The following MTPN variants were observed in gnomAD, a reference collection of about 807,000 sequenced individuals.
The protein encoded by MTPN is granule cell differentiation protein.
In MTPN, 2 loss-of-function variants were observed where a neutral mutation model predicts 13.5. The ratio of observed to expected loss-of-function variants is 0.15; its 90% confidence interval spans 0.06 to 0.47. The LOEUF is 0.47. MTPN is among the 20% of genes least tolerant of loss of function. The pLI is 0.97. For synonymous variants in MTPN, 46 were observed against 51.7 expected, an observed-to-expected ratio of 0.89 and a Z score of 0.48; for missense variants, 79 against 137.9, an observed-to-expected ratio of 0.57 and a Z score of 2.14.
chr7:135,939,494 C>G (rs912765328), intron 3 of MTPN, among the ~76,000 whole-genome samples: 2 of 149,764 alleles, frequency 1.3e-5, no homozygotes, highest in Non-Finnish European at 2.9e-5. Context: ...AGCTCTTTCC[C>G]CCCTCTTCCT....
chr7:135,933,049 C>A (rs778918508), intron 3 of MTPN, among the ~76,000 whole-genome samples: 6 of 134,534 alleles, frequency 4.5e-5, no homozygotes, highest in African/African-American at 1.7e-4. Flanking sequence ...GAGATGAGAT[C>A]GTGATGCTGC....
chr7:135,939,913 C>A (rs1290858179), intron 3 of MTPN, among the ~76,000 whole-genome samples: 6 of 152,148 alleles, frequency 3.9e-5, no homozygotes, highest in Non-Finnish European at 5.9e-5. Context: ...AAATTCACAT[C>A]TGGGTCATAG....
intron 1 of MTPN, among the ~76,000 whole-genome samples, chr7:135,963,897 G>T (rs913467999): frequency 1.1e-4 from 16 of 151,782 alleles, no homozygotes; most frequent in Non-Finnish European, 2.2e-4. Context: ...TCTTTGGAAG[G>T]TTTAGAAGCA....
At chr7:135,943,079 C>T (rs1160760488) in intron 3 of MTPN, among the ~76,000 whole-genome samples, 1 of 152,156 alleles carries the variant, frequency 6.6e-6, no homozygotes, top group Admixed American at 6.5e-5. Context: ...TTCAGTAAGG[C>T]ACTGCTGAGC....
At chr7:135,954,211 C>A (rs1799406252) in intron 1 of MTPN, among the ~76,000 whole-genome samples, 1 of 152,140 alleles carries the variant, frequency 6.6e-6, no homozygotes, top group Admixed American at 6.5e-5. Flanking sequence ...CATTGTTTAA[C>A]AAATGTTTAA....
At chr7:135,975,168 T>C (rs140516283) in intron 1 of MTPN, among the ~76,000 whole-genome samples, 1 of 152,246 alleles carries the variant, frequency 6.6e-6, no homozygotes, top group African/African-American at 2.4e-5. Flanking sequence ...CCTAACCTAA[T>C]TATAAAACTA....
intron 3 of MTPN, among the ~76,000 whole-genome samples, chr7:135,945,021 A>C (rs2116364822): frequency 6.6e-6 from 1 of 152,372 alleles, no homozygotes; most frequent in South Asian, 2.1e-4. Flanking sequence ...ACCTATATCC[A>C]GTATGTTACT....
At chr7:135,934,756 CAA>C (rs1047555277) in intron 3 of MTPN, among the ~76,000 whole-genome samples, 2 of 152,192 alleles carry the variant, frequency 1.3e-5, no homozygotes, top group Admixed American at 1.3e-4. Flanking sequence ...TCCTAACTCT[CAA>C]GACAGTATTA....
At chr7:135,946,341 T>G (rs1408370081) in intron 3 of MTPN, among the ~76,000 whole-genome samples, 1 of 151,398 alleles carries the variant, frequency 6.6e-6, no homozygotes, top group African/African-American at 2.5e-5. Flanking sequence ...GCTAGCATAG[T>G]CTAATAAAAG....
At chr7:135,931,143 C>A (rs1245689618) in intron 3 of MTPN, among the ~76,000 whole-genome samples, 1 of 152,056 alleles carries the variant, frequency 6.6e-6, no homozygotes, top group Non-Finnish European at 1.5e-5. Flanking sequence ...GCAAATCCAC[C>A]CATTCACTCA....
chr7:135,967,705 G>C (rs1465130041), intron 1 of MTPN, among the ~76,000 whole-genome samples: 1 of 152,100 alleles, frequency 6.6e-6, no homozygotes, highest in Non-Finnish European at 1.5e-5. Context: ...CAGGCACAAT[G>C]GTACACAGTT....
intron 3 of MTPN, among the ~76,000 whole-genome samples, chr7:135,930,354 G>A (rs1017235466): frequency 1.3e-5 from 2 of 152,060 alleles, no homozygotes; most frequent in Non-Finnish European, 2.9e-5. Context: ...AGTATGAAAC[G>A]GGGAAAAAGT....
chr7:135,968,499 A>G (rs1206553414), intron 1 of MTPN, among the ~76,000 whole-genome samples: 1 of 152,152 alleles, frequency 6.6e-6, no homozygotes, highest in Non-Finnish European at 1.5e-5. Context: ...AGCTGCAAAA[A>G]AATTACTTTC....
Position 135,950,651 on chromosome 7 carries a change from A to C in MTPN, c.218T>G (p.Leu73Arg). ...AACATGACCCTCATAGACAGCAGAC[A>C]GAAGAGGAGTAATATGATGTTTATC... is the stretch of plus-strand genomic sequence containing the variant. ...APDKHHITPLLSAVYEGHVSC... is the reference protein window; with the variant it reads ...APDKHHITPLRSAVYEGHVSC... The change falls in exon 3 of 4, where the codon CTG (leucine) becomes CGG (arginine). Residue 73 changes from leucine to arginine, a missense_variant. By Grantham distance (102) the Leu-to-Arg change is moderately radical. Coordinates refer to ENST00000393085, the MANE Select transcript of MTPN (RefSeq NM_145808.4). The C allele has an allele frequency of 6.2e-7, 1 of 1,613,234 alleles. No homozygotes were observed. Among genetic ancestry groups the C allele is most frequent in the Non-Finnish European group, 8.5e-7 (1 of 1,179,286 alleles).
chr7:135,942,123 A>C (rs962849810), intron 3 of MTPN, among the ~76,000 whole-genome samples: 11 of 151,980 alleles, frequency 7.2e-5, no homozygotes, highest in African/African-American at 2.7e-4. Flanking sequence ...TCCTGACCTC[A>C]GGTGATCCGC....
chr7:135,931,578 G>A (rs532907279), intron 3 of MTPN, among the ~76,000 whole-genome samples: 11 of 152,256 alleles, frequency 7.2e-5, no homozygotes, highest in African/African-American at 2.4e-4. Flanking sequence ...ACGTCAGTGC[G>A]TGAGAACTTC....
intron 3 of MTPN, among the ~76,000 whole-genome samples, chr7:135,936,889 C>T (rs1288365590): frequency 6.6e-6 from 1 of 152,136 alleles, no homozygotes; most frequent in Non-Finnish European, 1.5e-5. Context: ...TCAAATGCCA[C>T]ACTTGTAGAT....
chr7:135,969,704 C>T (rs1241486203), intron 1 of MTPN, among the ~76,000 whole-genome samples: 1 of 152,020 alleles, frequency 6.6e-6, no homozygotes, highest in Non-Finnish European at 1.5e-5. Flanking sequence ...AAAAGCGATA[C>T]ATTTAACCCC....
intron 3 of MTPN, among the ~76,000 whole-genome samples, chr7:135,940,623 T>C (rs1427962001): frequency 6.6e-6 from 1 of 152,170 alleles, no homozygotes; most frequent in African/African-American, 2.4e-5. Context: ...CCAAGGTCAG[T>C]CAACAAATAC....
Sources: gnomAD v4.1 joint callset for allele counts (sites outside exome capture counted in the v4.1 genomes callset) on GRCh38, gnomAD v4.1.1 for gene constraint, MANE v1.5 for transcripts, NCBI Gene and HGNC (gene_info 2026-07-23, HGNC 2026-07-21) for gene names.